ZNF717: variants seen among roughly 807,000 people sequenced by gnomAD.
ZNF717 encodes the protein krueppel-like factor X17.
In ZNF717, 9 loss-of-function variants were observed where a neutral mutation model predicts 13.8. The ratio of observed to expected loss-of-function variants is 0.65; its 90% CI spans 0.39 to 1.14. ZNF717 has a LOEUF of 1.14. Among genes scored for constraint, ZNF717 ranks in the 50% most tolerant of loss-of-function variants. ZNF717 has a pLI of 0.01. For missense variants in ZNF717, 1,040 were observed against 1,080.7 expected, an observed-to-expected ratio of 0.96 and a Z score of 0.53; for synonymous variants, 327 against 364.1, an observed-to-expected ratio of 0.90 and a Z score of 1.16.
chr3:75,765,587 T>G (rs1459838959), intron 2 of ZNF717, among the ~76,000 whole-genome samples: 1 of 152,094 alleles, frequency 6.6e-6, no homozygotes, highest in African/African-American at 2.4e-5. Context: ...ATTTTTGGTT[T>G]GGTTTTTTTG....
chr3:75,734,755 C>G (rs1575743574), downstream of ZNF717, among the ~76,000 whole-genome samples: 1 of 147,542 alleles, frequency 6.8e-6, no homozygotes, highest in South Asian at 2.1e-4. Context: ...CTTAATTGAC[C>G]TAACATATAA....
intron 4 of ZNF717, among the ~76,000 whole-genome samples, chr3:75,717,532 G>A (rs1938080206): frequency 6.6e-6 from 1 of 152,352 alleles, no homozygotes; most frequent in South Asian, 2.1e-4. Context: ...CTTCTGGCAG[G>A]TGTCATCTAA....
intron 1 of ZNF717, among the ~76,000 whole-genome samples, chr3:75,784,438 A>C (rs1437107028): frequency 1.3e-5 from 2 of 152,208 alleles, no homozygotes; most frequent in African/African-American, 4.8e-5. Context: ...AATACAATCG[A>C]TAGAACTTCA....
rs1454644275 is a variant in ZNF717, at chr3:75,739,572, TC to T, written c.278-228del. Among the ~76,000 whole-genome samples, 911 of 152,376 alleles carry T rather than the reference TC, an allele frequency of 6.0e-3. 20 individuals carry two copies. The highest frequency in any genetic ancestry group is 0.042 in the Admixed American group (650 of 15,300). ...AGTTTTTCTTTGCATTTTGAAGTTT[TC>T]CTGTTCTTTTTTATTTCACAAAGAA... On this transcript the variant is annotated intron_variant, in intron 4 of 4. Coordinates refer to ENST00000652011, the MANE Select transcript of ZNF717 (RefSeq NM_001290208.3).
downstream of ZNF717, among the ~76,000 whole-genome samples, chr3:75,727,918 C>T (rs74544342): frequency 6.6e-6 from 1 of 152,238 alleles, no homozygotes; most frequent in African/African-American, 2.4e-5. Flanking sequence ...AGAGGCCAAG[C>T]TGTAAAATTT....
intron 2 of ZNF717, among the ~76,000 whole-genome samples, chr3:75,747,059 T>A (rs1941249545): frequency 6.6e-6 from 1 of 152,172 alleles, no homozygotes; most frequent in Non-Finnish European, 1.5e-5. Context: ...AAGGAAGGGA[T>A]CTGGTTTCAG....
chr3:75,778,257 C>T (rs547514666), intron 2 of ZNF717, among the ~76,000 whole-genome samples: 1 of 151,644 alleles, frequency 6.6e-6, no homozygotes, highest in East Asian at 2.0e-4. Flanking sequence ...AAAACCGGAA[C>T]CCAAAACAAT....
At chr3:75,733,980 C>T (rs76459191), downstream of ZNF717, among the ~76,000 whole-genome samples, 2 of 136,444 alleles carry the variant, frequency 1.5e-5, no homozygotes, top group African/African-American at 2.7e-5. Flanking sequence ...AAACTTGTTA[C>T]CAGCAGATGT....
At chr3:75,762,456 A>G (rs1447596504) in intron 2 of ZNF717, among the ~76,000 whole-genome samples, 1 of 151,910 alleles carries the variant, frequency 6.6e-6, no homozygotes. Flanking sequence ...AAAAAAAAAA[A>G]AAAGAATTAC....
chr3:75,769,903 G>A (rs908780069), intron 2 of ZNF717, among the ~76,000 whole-genome samples: 2 of 152,192 alleles, frequency 1.3e-5, no homozygotes, highest in African/African-American at 4.8e-5. Context: ...TATTGTATAT[G>A]TTAGCATATT....
chr3:75,758,285 C>T (rs1452847405), intron 2 of ZNF717, among the ~76,000 whole-genome samples: 1 of 152,118 alleles, frequency 6.6e-6, no homozygotes, highest in Non-Finnish European at 1.5e-5. Flanking sequence ...GGTGAGACTG[C>T]AGCAGCCTCG....
intron 1 of ZNF717, among the ~76,000 whole-genome samples, chr3:75,784,259 G>A (rs1945013817): frequency 6.6e-6 from 1 of 152,174 alleles, no homozygotes; most frequent in Non-Finnish European, 1.5e-5. Context: ...ACACCAAAAT[G>A]CAGATCCACA....
At chr3:75,698,357 G>A (rs1937627613) in intron 6 of ZNF717, among the ~76,000 whole-genome samples, 1 of 152,308 alleles carries the variant, frequency 6.6e-6, no homozygotes, top group Non-Finnish European at 1.5e-5. Context: ...ATGGGAAAGA[G>A]GAATTGAAGG....
At chr3:75,745,378 T>C (rs1426555456) in intron 2 of ZNF717, among the ~76,000 whole-genome samples, 2 of 151,936 alleles carry the variant, frequency 1.3e-5, no homozygotes, top group African/African-American at 4.8e-5. Context: ...AGTAGCAGTG[T>C]TCTGGAACTC....
In ZNF717 at chr3:75,717,291, C is replaced by A. The variant is rs193078078; in HGVS notation, n.545-750G>T. Among the ~76,000 whole-genome samples the A allele has an allele frequency of 5.1e-3, 771 of 152,310 alleles. 8 individuals are homozygous for A. In the East Asian group the frequency reaches 0.071, roughly 14 times the overall value. On this transcript the variant is annotated intron_variant and non_coding_transcript_variant, in intron 4 of 5. Coordinates refer to the ZNF717 transcript ENST00000491507. Reference sequence around the variant, plus strand: ...TGATAGGTATGTCCAACAGACACATCCAAATACACGCTTCCTAAAAATGGA... The same window carrying A: ...TGATAGGTATGTCCAACAGACACATACAAATACACGCTTCCTAAAAATGGA...
At chr3:75,713,253 C>T (rs1937981487) in intron 5 of ZNF717, among the ~76,000 whole-genome samples, 2 of 152,022 alleles carry the variant, frequency 1.3e-5, no homozygotes, top group African/African-American at 4.8e-5. Context: ...TGGGCTCAAG[C>T]AATCCTCCCA....
downstream of ZNF717, among the ~76,000 whole-genome samples, chr3:75,732,428 G>A (rs75025537): frequency 1.6e-4 from 8 of 48,878 alleles, no homozygotes; most frequent in Non-Finnish European, 2.8e-4. Flanking sequence ...GTTCCCTGCT[G>A]GACCCCCTGC....
intron 2 of ZNF717, among the ~76,000 whole-genome samples, chr3:75,761,915 A>G (rs1258133185): frequency 6.6e-6 from 1 of 152,220 alleles, no homozygotes; most frequent in African/African-American, 2.4e-5. Flanking sequence ...TTAGCTGGGC[A>G]TAGTGGCAGA....
chr3:75,741,588 G>T (rs1940445938), intron 3 of ZNF717, 22 bp downstream of exon 3: 12 of 1,588,798 alleles, frequency 7.6e-6, no homozygotes, highest in Non-Finnish European at 9.4e-6. Flanking sequence ...AATCCTGGGA[G>T]TTACTGGCAA....
Sources: allele counts gnomAD v4.1 joint callset (sites outside exome capture counted in the v4.1 genomes callset), GRCh38; gene constraint gnomAD v4.1.1; transcripts MANE v1.5; gene names NCBI Gene and HGNC (gene_info 2026-07-23, HGNC 2026-07-21).